DIP2C: variants seen among roughly 807,000 people sequenced by gnomAD.
The protein encoded by DIP2C is DIP2 acetate--CoA ligase C (putative), also known as disco-interacting protein 2 homolog C.
A neutral mutation model predicts 192.4 loss-of-function variants in DIP2C; 33 were observed. That is an observed-to-expected ratio of 0.17 (90% CI 0.13 to 0.23). The LOEUF (loss-of-function observed/expected upper bound fraction) is 0.23, where lower values mean the gene tolerates loss of function less well. Among genes scored for constraint, DIP2C ranks in the 10% least tolerant of loss-of-function variants. The pLI, the probability that DIP2C is intolerant of heterozygous loss-of-function variation, is 1.00. For missense variants in DIP2C, 1,537 were observed against 2,110.1 expected (o/e 0.73, Z 5.32); for synonymous variants, 979 against 864.1 (o/e 1.13, Z -2.33).
intron 1 of DIP2C, among the ~76,000 whole-genome samples, chr10:553,112 C>G (rs1588447605): frequency 6.6e-6 from 1 of 152,366 alleles, no homozygotes; most frequent in African/African-American, 2.4e-5. Flanking sequence ...CTCCATGCCA[C>G]TGTTTTCCTG....
chr10:349,013 A>C (rs564196867), intron 25 of DIP2C, among the ~76,000 whole-genome samples: 3 of 152,224 alleles, frequency 2.0e-5, no homozygotes, highest in Non-Finnish European at 4.4e-5. Flanking sequence ...GGAATTACCC[A>C]CCTTTGTAAC....
intron 1 of DIP2C, among the ~76,000 whole-genome samples, chr10:686,365 C>A (rs1459465948): frequency 6.6e-6 from 1 of 151,212 alleles, no homozygotes; most frequent in Non-Finnish European, 1.5e-5. Flanking sequence ...GGTCTCCCCA[C>A]CTGCACAGCC....
At chr10:366,862 G>A (rs1960284351) in intron 18 of DIP2C, among the ~76,000 whole-genome samples, 1 of 152,112 alleles carries the variant, frequency 6.6e-6, no homozygotes, top group Non-Finnish European at 1.5e-5. Flanking sequence ...GAACACCACT[G>A]GAGCGCTTTG....
intron 1 of DIP2C, among the ~76,000 whole-genome samples, chr10:494,716 G>A (rs1844690087): frequency 6.6e-6 from 1 of 152,218 alleles, no homozygotes; most frequent in Non-Finnish European, 1.5e-5. Context: ...GGGGAACCAA[G>A]GGGATCAGAA....
At chr10:572,503 A>G (rs1371544899) in intron 1 of DIP2C, among the ~76,000 whole-genome samples, 1 of 152,164 alleles carries the variant, frequency 6.6e-6, no homozygotes, top group Non-Finnish European at 1.5e-5. Flanking sequence ...TCCAAAAACA[A>G]AAGAGTACTG....
chr10:668,302 A>G (rs368012558), intron 1 of DIP2C: 1 of 152,280 alleles, frequency 6.6e-6, no homozygotes, highest in Non-Finnish European at 1.5e-5. Flanking sequence ...CATACAACAT[A>G]CAACACATGC....
chr10:672,624 C>T (rs1464866701), intron 1 of DIP2C, among the ~76,000 whole-genome samples: 2 of 152,210 alleles, frequency 1.3e-5, no homozygotes, highest in Non-Finnish European at 2.9e-5. Context: ...GGCTGGCGAC[C>T]GCTTAGAAAC....
At chr10:286,828 T>C (rs989383464) in intron 33 of DIP2C, among the ~76,000 whole-genome samples, 2 of 152,166 alleles carry the variant, frequency 1.3e-5, no homozygotes, top group African/African-American at 4.8e-5. Context: ...CAGTAATCGC[T>C]GAAGGAAGGG....
chr10:635,641 T>C (rs1312016502), intron 1 of DIP2C, among the ~76,000 whole-genome samples: 1 of 152,180 alleles, frequency 6.6e-6, no homozygotes, highest in African/African-American at 2.4e-5. Flanking sequence ...TGGCCAGCCC[T>C]GGAGGAGGGG....
intron 1 of DIP2C, among the ~76,000 whole-genome samples, chr10:592,398 C>A (rs1023152332): frequency 1.3e-5 from 2 of 152,110 alleles, no homozygotes; most frequent in African/African-American, 4.8e-5. Flanking sequence ...ACATACATAC[C>A]CTCCCAAAAT....
At chr10:353,181 AAC>A (rs140190391) in intron 24 of DIP2C, among the ~76,000 whole-genome samples, 151,193 of 152,196 alleles carry the variant, frequency 0.99, 75,106 homozygotes, top group Middle Eastern at 1. Flanking sequence ...CACACAGGGA[AAC>A]ACAAAGAGTC....
At chr10:585,653 C>CAGGG (rs1353027502) in intron 1 of DIP2C, among the ~76,000 whole-genome samples, 1 of 152,178 alleles carries the variant, frequency 6.6e-6, no homozygotes. Flanking sequence ...CGGCGTCCTG[C>CAGGG]AGGGGCCTCA....
At chr10:482,040 G>A (rs1843653312) in intron 2 of DIP2C, among the ~76,000 whole-genome samples, 1 of 152,220 alleles carries the variant, frequency 6.6e-6, no homozygotes, top group Non-Finnish European at 1.5e-5. Flanking sequence ...AGGACGACAT[G>A]GAGATGGGAA....
rs925708115 is a variant in DIP2C at position 652,374 on chromosome 10, G to A, written c.85+37120C>T. 4.5e-5 allele frequency: 8 copies of A among 178,698 alleles called. No individual in the cohort carries two copies. Among genetic ancestry groups the A allele is most frequent in the African/African-American group, 9.6e-5 (4 of 41,614 alleles). The allele number at this position is 178,698 out of a possible 1,614,324, so 11.1% of individuals were successfully genotyped here. A position where few individuals can be genotyped will look rare whatever the true frequency, so the allele number is the denominator to read the frequency against. On this transcript the variant is annotated intron_variant, in intron 1 of 36. Coordinates refer to ENST00000280886, the MANE Select transcript of DIP2C (RefSeq NM_014974.3). This position sits in a 1 kb window ranked among gnomAD's most constrained non-coding sequence, Gnocchi z 4.5. ...AGGCTGAGAACTGAGTTCCAGTCCCGGGGTGGGGTGGCGGGGGGGCGCACT... is the reference window on the plus strand; with the variant it reads ...AGGCTGAGAACTGAGTTCCAGTCCCAGGGTGGGGTGGCGGGGGGGCGCACT...
intron 3 of DIP2C, among the ~76,000 whole-genome samples, chr10:468,237 A>T (rs1197700768): frequency 3.3e-5 from 5 of 152,210 alleles, no homozygotes; most frequent in Admixed American, 3.3e-4. Flanking sequence ...AGTATATCTA[A>T]ATTTAGAGAA....
chr10:549,942 C>T (rs1413376984), intron 1 of DIP2C, among the ~76,000 whole-genome samples: 2 of 152,048 alleles, frequency 1.3e-5, no homozygotes, highest in Non-Finnish European at 2.9e-5. Flanking sequence ...ATGCAGAGTC[C>T]CCAACACAAG....
intron 1 of DIP2C, among the ~76,000 whole-genome samples, chr10:580,297 GTACAT>G (rs1229923303): frequency 6.6e-6 from 1 of 152,090 alleles, no homozygotes; most frequent in Non-Finnish European, 1.5e-5. Flanking sequence ...TGCAGCATGC[GTACAT>G]TAGTGTGCAC....
At chr10:278,172 G>A (rs994269009) in intron 36 of DIP2C, among the ~76,000 whole-genome samples, 16 of 150,850 alleles carry the variant, frequency 1.1e-4, no homozygotes, top group African/African-American at 2.9e-4. Context: ...GCTGAGGGCC[G>A]TGCGTGTGGA....
At chr10:445,575 G>A (rs1010420631) in intron 3 of DIP2C, among the ~76,000 whole-genome samples, 1 of 150,136 alleles carries the variant, frequency 6.7e-6, no homozygotes, top group Non-Finnish European at 1.5e-5. Context: ...GTATACATCT[G>A]TTGTGAAGAG....
Sources: gnomAD v4.1 joint callset for allele counts (sites outside exome capture counted in the v4.1 genomes callset) on GRCh38, gnomAD v4.1.1 for gene constraint, Gnocchi (gnomAD v3.1) non-coding constraint, MANE v1.5 for transcripts, NCBI Gene and HGNC (gene_info 2026-07-23, HGNC 2026-07-21) for gene names.